Variants in NUSAP1 observed in about 807,000 individuals in gnomAD.
NUSAP1 encodes the protein nucleolar and spindle associated protein 1.
A neutral mutation model predicts 52.8 loss-of-function variants in NUSAP1; 32 were observed. That is an observed-to-expected ratio of 0.61 (90% CI 0.46 to 0.81). The LOEUF (loss-of-function observed/expected upper bound fraction) is 0.81, where lower values mean the gene tolerates loss of function less well. Ranked by LOEUF, NUSAP1 falls within the 40% of genes least tolerant of loss-of-function variation. The probability of loss-of-function intolerance (pLI) is 0.00; values close to 1 mark genes in which losing one functional copy is unlikely to be tolerated. For missense variants in NUSAP1, 499 were observed against 522.3 expected (o/e 0.96, Z 0.43); for synonymous variants, 195 against 183.1 (o/e 1.06, Z -0.52).
Position 41,332,950 on chromosome 15 carries a change from G to A in NUSAP1, c.-8G>A, listed in dbSNP as rs1245425122. 9 of 1,604,192 alleles carry A rather than the reference G, an allele frequency of 5.6e-6. No individual in the cohort carries two copies. The highest frequency in any genetic ancestry group is 7.7e-6 in the Non-Finnish European group (9 of 1,174,570). ...ATCTTCCGAGTATCGCCGGGATTTC[G>A]AATCGCGATGATCATCCCCTCTCTA... On this transcript the variant is annotated 5_prime_UTR_variant, in exon 1 of 11. Coordinates refer to ENST00000559596, the MANE Select transcript of NUSAP1 (RefSeq NM_016359.5).
At chr15:41,333,537 G>T (rs1252186882) in intron 1 of NUSAP1, among the ~76,000 whole-genome samples, 1 of 152,156 alleles carries the variant, frequency 6.6e-6, no homozygotes, top group Non-Finnish European at 1.5e-5. Flanking sequence ...TTTTAGGGGA[G>T]CACCTCCTTG....
In NUSAP1 at chr15:41,342,389, A is replaced by G. The variant is rs7178634; in HGVS notation, c.97A>G (p.Thr33Ala). ...SLGLRANLRA[T>A]KLLKALKGYI... ...AATAATAAGGTCTCTCTTGCAGGCA[A>G]CCAAGTTGTTAAAAGCCTTGAAAGG... Residue 33 changes from threonine to alanine, a missense_variant, in exon 2 of 11, where the codon ACC becomes GCC. Thr to Ala is a moderately conservative substitution (Grantham distance 58). Transcript: ENST00000559596. 497,650 of 1,570,856 alleles carry G rather than the reference A, an allele frequency of 0.32. 83,383 individuals are homozygous for G. The highest frequency in any genetic ancestry group is 0.56 in the African/African-American group (41,487 of 73,612).
intron 9 of NUSAP1, 53 bp downstream of exon 9, chr15:41,375,881 G>A: frequency 8.0e-7 from 1 of 1,252,268 alleles, no homozygotes; most frequent in Non-Finnish European, 1.2e-6. Context: ...AAGATTGGTG[G>A]GACGCAGTGG....
chr15:41,348,144 A>C (rs2048650418), intron 2 of NUSAP1, among the ~76,000 whole-genome samples: 1 of 152,106 alleles, frequency 6.6e-6, no homozygotes, highest in South Asian at 2.1e-4. Flanking sequence ...GAAAGAAAGA[A>C]AAAGATGACC....
chr15:41,371,791 A>C, intron 8 of NUSAP1, 107 bp downstream of exon 8: 1 of 1,337,070 alleles, frequency 7.5e-7, no homozygotes, highest in South Asian at 1.4e-5. Context: ...TTTTTCTGAG[A>C]TGGAGTTTCG....
At chr15:41,358,555 G>C (rs545819145) in intron 6 of NUSAP1, among the ~76,000 whole-genome samples, 1 of 152,264 alleles carries the variant, frequency 6.6e-6, no homozygotes, top group African/African-American at 2.4e-5. Context: ...TGGGCAACAT[G>C]GTGAAACCCT....
Position 41,378,944 on chromosome 15 carries a change from G to GTTTTGTTTTTTTTT in NUSAP1, c.1233-1145_1233-1144insGTTTTTTTTTTTTT, listed in dbSNP as rs2050092060. ...CCCAAGATTATATTAACTTATCTTG[G>GTTTTGTTTTTTTTT]TTTTTTTTTTTTTTTTTTTTTTTTT... On this transcript the variant is annotated intron_variant, in intron 10 of 10. Transcript: ENST00000559596. Among the ~76,000 whole-genome samples, 121 of 63,270 alleles carry GTTTTGTTTTTTTTT rather than the reference G, an allele frequency of 1.9e-3. 7 individuals are homozygous for GTTTTGTTTTTTTTT. The highest frequency in any genetic ancestry group is 8.4e-3 in the African/African-American group (120 of 14,284). 41.5% of individuals were successfully genotyped at this position (63,270 alleles called of 152,430 possible). A position where few individuals can be genotyped will look rare whatever the true frequency, so the allele number is the denominator to read the frequency against.
At chr15:41,376,896 G>A (rs1489431130) in intron 9 of NUSAP1, among the ~76,000 whole-genome samples, 1 of 151,652 alleles carries the variant, frequency 6.6e-6, no homozygotes, top group Non-Finnish European at 1.5e-5. Flanking sequence ...GCAACATGAT[G>A]AAACCCCGTC....
chr15:41,367,715 G>A (rs1242981635), intron 7 of NUSAP1, among the ~76,000 whole-genome samples: 1 of 152,194 alleles, frequency 6.6e-6, no homozygotes, highest in African/African-American at 2.4e-5. Flanking sequence ...AGGACTGTAG[G>A]TGCTTGCAGT....
intron 9 of NUSAP1, 34 bp downstream of exon 9, chr15:41,375,862 A>T: frequency 1.4e-6 from 2 of 1,431,340 alleles, no homozygotes; most frequent in Non-Finnish European, 9.9e-7. Context: ...CAGGGCCTGT[A>T]AAATACTTAA....
chr15:41,355,506 A>G (rs776447326), intron 4 of NUSAP1, among the ~76,000 whole-genome samples: 1 of 151,920 alleles, frequency 6.6e-6, no homozygotes, highest in Non-Finnish European at 1.5e-5. Flanking sequence ...ACTTCTCCAC[A>G]GGTGTCAGAA....
At chr15:41,370,922 A>T (rs1461259715) in intron 7 of NUSAP1, among the ~76,000 whole-genome samples, 2 of 152,124 alleles carry the variant, frequency 1.3e-5, no homozygotes, top group African/African-American at 4.8e-5. Context: ...AACCTGTCTC[A>T]AGAAAAAACA....
rs748810224 is a variant in NUSAP1, at chr15:41,349,251, A to AAT, written c.306+14_306+15dup. On this transcript the variant is annotated intron_variant, in intron 3 of 10. Coordinates refer to ENST00000559596, the MANE Select transcript of NUSAP1 (RefSeq NM_016359.5). ...GGACCCTGACTCACAGGTGAATGGA[A>AAT]ATATACAAACTGAAAATAAACCACC... 4.4e-6 allele frequency: 7 copies of AAT among 1,604,556 alleles called. No homozygotes were observed. Among genetic ancestry groups the AAT allele is most frequent in the Non-Finnish European group, 6.0e-6 (7 of 1,175,806 alleles).
At chr15:41,342,523 C>G in intron 2 of NUSAP1, 69 bp downstream of exon 2, 1 of 1,128,872 alleles carries the variant, frequency 8.9e-7, no homozygotes, top group South Asian at 1.4e-5. Flanking sequence ...GGGCAATTAA[C>G]ACACAACTAG....
intron 10 of NUSAP1, among the ~76,000 whole-genome samples, chr15:41,378,426 G>A (rs147718015): frequency 6.6e-6 from 1 of 152,238 alleles, no homozygotes; most frequent in Non-Finnish European, 1.5e-5. Context: ...TTGGACCCTC[G>A]TGACACAGGG....
chr15:41,343,263 G>A (rs1257704349), intron 2 of NUSAP1: 1 of 152,238 alleles, frequency 6.6e-6, no homozygotes, highest in Non-Finnish European at 1.5e-5. Flanking sequence ...GAGTTGTCAT[G>A]GCCGCTTCAG....
At chr15:41,341,348 G>C (rs2048360140) in intron 1 of NUSAP1, among the ~76,000 whole-genome samples, 1 of 152,138 alleles carries the variant, frequency 6.6e-6, no homozygotes, top group East Asian at 1.9e-4. Flanking sequence ...ACAGGCATGA[G>C]CCACCCCGCT....
At chr15:41,366,283 T>TC (rs932282258) in intron 7 of NUSAP1, among the ~76,000 whole-genome samples, 3 of 146,026 alleles carry the variant, frequency 2.1e-5, no homozygotes, top group East Asian at 2.0e-4. Flanking sequence ...TCTTTTTTTT[T>TC]CTTTTTTCTT....
At chr15:41,368,732 T>C in intron 7 of NUSAP1, among the ~76,000 whole-genome samples, 1 of 87,300 alleles carries the variant, frequency 1.1e-5, no homozygotes. Flanking sequence ...TTTATTCTTT[T>C]TTTTTTTTTT....
Sources: gnomAD v4.1 joint callset for allele counts (sites outside exome capture counted in the v4.1 genomes callset) on GRCh38, gnomAD v4.1.1 for gene constraint, MANE v1.5 for transcripts, NCBI Gene and HGNC (gene_info 2026-07-23, HGNC 2026-07-21) for gene names.